The following LPAR1 variants were observed in gnomAD, a reference collection of about 807,000 sequenced individuals.
The protein encoded by LPAR1 is lysophosphatidic acid receptor 1.
Under a neutral mutation model 23.8 loss-of-function variants are expected in LPAR1, and 5 were observed. The observed-to-expected ratio is 0.21, with a 90% CI of 0.11 to 0.44. LPAR1 has a LOEUF of 0.44. LPAR1 is among the 20% of genes least tolerant of loss of function. LPAR1 has a pLI of 0.99. For synonymous variants in LPAR1, 160 were observed against 164.7 expected (o/e 0.97, Z 0.22); for missense variants, 311 against 482.8 (o/e 0.64, Z 3.33).
intron 5 of LPAR1, among the ~76,000 whole-genome samples, chr9:110,901,240 C>T (rs531239729): frequency 1.3e-5 from 2 of 152,150 alleles, no homozygotes; most frequent in African/African-American, 4.8e-5. Flanking sequence ...AAGGAGAAGT[C>T]GTGGCCTAAA....
intron 5 of LPAR1, among the ~76,000 whole-genome samples, chr9:110,880,383 A>G (rs1040493529): frequency 3.3e-5 from 5 of 152,180 alleles, no homozygotes; most frequent in Non-Finnish European, 5.9e-5. Flanking sequence ...TCATCAGCTG[A>G]ATAATGCTTA....
At chr9:110,892,826 A>AAGGAAGGCCGGC (rs1334842271) in intron 5 of LPAR1, among the ~76,000 whole-genome samples, 2 of 65,430 alleles carry the variant, frequency 3.1e-5, no homozygotes, top group East Asian at 9.1e-4. Flanking sequence ...GGAAGGAAGG[A>AAGGAAGGCCGGC]AGGCAGGCAG....
At chr9:110,977,560 A>T (rs1271427767) in intron 2 of LPAR1, among the ~76,000 whole-genome samples, 4 of 152,142 alleles carry the variant, frequency 2.6e-5, no homozygotes, top group Non-Finnish European at 5.9e-5. Context: ...TGGTAAATTA[A>T]TCTACTACAA....
intron 2 of LPAR1, among the ~76,000 whole-genome samples, chr9:111,002,039 G>A (rs1199472446): frequency 2.6e-5 from 4 of 152,124 alleles, no homozygotes; most frequent in African/African-American, 9.7e-5. Context: ...AACAAATGCA[G>A]AACAAGATTT....
chr9:110,907,368 C>A (rs2091498084), intron 5 of LPAR1, among the ~76,000 whole-genome samples: 1 of 152,090 alleles, frequency 6.6e-6, no homozygotes, highest in Non-Finnish European at 1.5e-5. Flanking sequence ...GGTAATCGTT[C>A]TTGGTCTTTA....
intron 4 of LPAR1, among the ~76,000 whole-genome samples, chr9:110,970,299 G>A (rs1433176370): frequency 6.6e-6 from 1 of 152,272 alleles, no homozygotes; most frequent in East Asian, 1.9e-4. Context: ...CATGGGAACA[G>A]CTGCAGTGGA....
At chr9:110,992,255 C>T (rs1478592518) in intron 2 of LPAR1, among the ~76,000 whole-genome samples, 3 of 152,000 alleles carry the variant, frequency 2.0e-5, no homozygotes, top group Admixed American at 2.0e-4. Flanking sequence ...GGCAGATAAG[C>T]ATAGAAGAGC....
chr9:111,024,435 A>G (rs1365346801), intron 2 of LPAR1, among the ~76,000 whole-genome samples: 2 of 147,480 alleles, frequency 1.4e-5, no homozygotes, highest in African/African-American at 4.9e-5. Flanking sequence ...ATATACATAT[A>G]TAATTTTTAT....
intron 2 of LPAR1, among the ~76,000 whole-genome samples, chr9:111,004,371 T>A (rs1055444841): frequency 5.3e-5 from 8 of 152,238 alleles, no homozygotes; most frequent in Non-Finnish European, 1.2e-4. Context: ...GACCCCAACT[T>A]CTTCCTTCTC....
At chr9:111,016,137 C>A (rs1024627559) in intron 2 of LPAR1, among the ~76,000 whole-genome samples, 1 of 152,130 alleles carries the variant, frequency 6.6e-6, no homozygotes, top group African/African-American at 2.4e-5. Context: ...TTTCCAGTCA[C>A]AGCCTTTCAA....
chr9:111,021,621 AAATT>A (rs1393554403), intron 2 of LPAR1, among the ~76,000 whole-genome samples: 1 of 152,216 alleles, frequency 6.6e-6, no homozygotes, highest in Non-Finnish European at 1.5e-5. Context: ...AGGATAAAAA[AAATT>A]AATTCCAAGT....
intron 2 of LPAR1, among the ~76,000 whole-genome samples, chr9:110,982,642 A>T (rs2096694888): frequency 6.6e-6 from 1 of 151,942 alleles, no homozygotes; most frequent in Non-Finnish European, 1.5e-5. Flanking sequence ...AAATAAAAAT[A>T]AAAAAATTTA....
chr9:110,891,425 C>T (rs569787346), intron 5 of LPAR1, among the ~76,000 whole-genome samples: 30 of 152,188 alleles, frequency 2.0e-4, no homozygotes, highest in African/African-American at 6.0e-4. Flanking sequence ...GTATATTAAA[C>T]GCATTTGTGG....
intron 1 of LPAR1, among the ~76,000 whole-genome samples, chr9:111,037,396 A>G (rs1327107576): frequency 1.3e-5 from 2 of 152,252 alleles, no homozygotes; most frequent in Non-Finnish European, 2.9e-5. Flanking sequence ...AGCAGGCAGC[A>G]GCAAGTCCTG....
chr9:111,001,222 C>T (rs988514988), intron 2 of LPAR1, among the ~76,000 whole-genome samples: 11 of 152,112 alleles, frequency 7.2e-5, no homozygotes, highest in Admixed American at 5.2e-4. Flanking sequence ...GTCAAAACTG[C>T]CCTTATTTGC....
In LPAR1 at chr9:110,875,330, T is replaced by C; in HGVS notation, c.*91A>G. Reference sequence around the variant, plus strand: ...AGTACATGAGTTGACTTTTCTCCTCTCTCACACCCCACCTTGCCCTGGCAA... The same window carrying C: ...AGTACATGAGTTGACTTTTCTCCTCCCTCACACCCCACCTTGCCCTGGCAA... On this transcript the variant is annotated 3_prime_UTR_variant, in exon 6 of 6. Transcript: ENST00000683809. 1.7e-6 allele frequency: 2 copies of C among 1,154,040 alleles called. No individual in the cohort carries two copies. Among genetic ancestry groups the C allele is most frequent in the Non-Finnish European group, 2.4e-6 (2 of 828,644 alleles). 71.5% of individuals were successfully genotyped at this position (1,154,040 alleles called of 1,614,324 possible). A position where few individuals can be genotyped will look rare whatever the true frequency, so the allele number is the denominator to read the frequency against.
chr9:110,955,717 G>GA (rs368923001), intron 4 of LPAR1, among the ~76,000 whole-genome samples: 45,138 of 138,556 alleles, frequency 0.33, 7,178 homozygotes, highest in South Asian at 0.42. Flanking sequence ...GACCACAATA[G>GA]AAAAAAAAAA....
chr9:110,933,749 C>T (rs1237082534), intron 5 of LPAR1, among the ~76,000 whole-genome samples: 2 of 152,182 alleles, frequency 1.3e-5, no homozygotes, highest in African/African-American at 2.4e-5. Context: ...ACAAGAGTCT[C>T]GGCCAGACAA....
intron 5 of LPAR1, among the ~76,000 whole-genome samples, chr9:110,914,089 G>A (rs2092783013): frequency 2.0e-5 from 3 of 152,116 alleles, no homozygotes; most frequent in Admixed American, 6.5e-5. Flanking sequence ...CTCTTCCCAG[G>A]AGAAAGCAAG....
Sources: allele counts gnomAD v4.1 joint callset (sites outside exome capture counted in the v4.1 genomes callset), GRCh38; gene constraint gnomAD v4.1.1; transcripts MANE v1.5; gene names NCBI Gene and HGNC (gene_info 2026-07-23, HGNC 2026-07-21).